PIGA: variants seen among roughly 807,000 people sequenced by gnomAD.
The protein encoded by PIGA is phosphatidylinositol glycan anchor biosynthesis class A.
Under a neutral mutation model 17.1 loss-of-function variants are expected in PIGA, and 3 were observed. The ratio of observed to expected loss-of-function variants is 0.18; its 90% CI spans 0.08 to 0.45. The LOEUF (loss-of-function observed/expected upper bound fraction) is 0.45. PIGA is among the 20% of genes least tolerant of loss of function. The pLI is 0.99. For synonymous variants in PIGA, 126 were observed against 135.1 expected, an observed-to-expected ratio of 0.93 and a Z score of 0.47; for missense variants, 231 against 374.1, an observed-to-expected ratio of 0.62 and a Z score of 3.16.
In PIGA at chrX:15,324,668, T is replaced by C. The variant is rs1234870253; in HGVS notation, c.1185A>G (p.Glu395=). ...CTTTTCTCAGCATGTGACATACCTT[T>C]TCAGTTCTTTCTGCAACATTCCTCC... ...YTWRNVAERT[E]KVYDRVSVEA... is the part of the protein sequence containing the mutation. The change falls in exon 5 of 6, where the codon GAA becomes GAG. Residue 395 remains glutamate (E), a synonymous_variant. Transcript: ENST00000333590. The C allele has an allele frequency of 1.7e-6, 2 of 1,185,959 alleles. No individual in the cohort carries two copies. The highest frequency in any genetic ancestry group is 2.3e-6 in the Non-Finnish European group (2 of 872,240).
At chrX:15,325,352 G>A (rs991954436) in intron 3 of PIGA, 200 bp from the exon 4 acceptor site, 1 of 294,855 alleles carries the variant, frequency 3.4e-6, no homozygotes, top group Non-Finnish European at 6.0e-6. Flanking sequence ...CTCATACAGC[G>A]AACATTATTT....
In PIGA at chrX:15,324,567, G is replaced by T. The variant is rs187525197; in HGVS notation, c.1188+98C>A. The T allele has an allele frequency of 1.1e-3, 683 of 628,477 alleles. 1 individual carries two copies. The highest frequency in any genetic ancestry group is 9.4e-4 in the Non-Finnish European group (372 of 394,491). The allele number at this position is 628,477 out of a possible 1,213,427, so 51.8% of individuals were successfully genotyped here. On this transcript the variant is annotated intron_variant, in intron 5 of 5. Transcript: ENST00000333590. ...AGAGATTTCATCAACTTAAGCAATA[G>T]AACAAAAATGGTAAACATCTATGTA... is the stretch of plus-strand genomic sequence containing the variant.
chrX:15,322,444 T>A (rs1017585023), intron 5 of PIGA, among the ~76,000 whole-genome samples: 4 of 112,100 alleles, frequency 3.6e-5, no homozygotes, highest in African/African-American at 1.3e-4. Flanking sequence ...TGAAATAACG[T>A]TTTTTGCTGA....
intron 1 of PIGA, among the ~76,000 whole-genome samples, chrX:15,334,418 G>A (rs1194381034): frequency 1.8e-5 from 2 of 110,269 alleles, no homozygotes; most frequent in Non-Finnish European, 3.8e-5. Flanking sequence ...TCGAACCCCT[G>A]ACCTCAGGTG....
intron 2 of PIGA, chrX:15,328,595 G>A (rs1249023527): frequency 8.9e-6 from 1 of 112,009 alleles, no homozygotes; most frequent in East Asian, 2.8e-4. Context: ...CTCACTTTTG[G>A]GCTACAGGCA....
chrX:15,324,702 A>G lies in PIGA; in HGVS notation c.1151T>C (p.Phe384Ser), dbSNP rs1921919168. 1 of 1,208,465 alleles carries G rather than the reference A, an allele frequency of 8.3e-7. No individual in the cohort carries two copies. The highest frequency in any genetic ancestry group is 1.7e-5 in the African/African-American group (1 of 57,801). The change falls in exon 5 of 6, where the codon TTC becomes TCC. Residue 384 changes from phenylalanine to serine, a missense_variant. Coordinates refer to ENST00000333590, the MANE Select transcript of PIGA (RefSeq NM_002641.4). The stretch of plus-strand genomic sequence containing the variant: ...TTCTGCAACATTCCTCCAGGTGTAG[A>G]AAGTCTTTACTATGTTATGGATGTT... Reference protein sequence around the residue: ...PENIHNIVKTFYTWRNVAERT... With the variant: ...PENIHNIVKTSYTWRNVAERT...
rs765534842 is a variant in PIGA at position 15,325,003 on chromosome X, C to T, written c.981+17G>A. On this transcript the variant is annotated intron_variant, in intron 4 of 5. Coordinates refer to ENST00000333590, the MANE Select transcript of PIGA (RefSeq NM_002641.4). ...TACACAGAAATCCCAACCATGAATGCCCTCAAAGCTTTTTACCTGTAAACC... is the reference window on the plus strand; with the variant it reads ...TACACAGAAATCCCAACCATGAATGTCCTCAAAGCTTTTTACCTGTAAACC... 8.4e-7 allele frequency: 1 copy of T among 1,186,900 alleles called. No homozygotes were observed. The highest frequency in any genetic ancestry group is 1.1e-6 in the Non-Finnish European group (1 of 885,833).
In PIGA at chrX:15,320,468, T is replaced by C. The variant is rs1406134209; in HGVS notation, c.*1038A>G. Reference sequence around the variant, plus strand: ...TTCTGAAGTAAAGCCTTTTGCACACTGACAATACTTATCAGACATCAGCGA... The same window carrying C: ...TTCTGAAGTAAAGCCTTTTGCACACCGACAATACTTATCAGACATCAGCGA... On this transcript the variant is annotated 3_prime_UTR_variant, in exon 6 of 6. Transcript: ENST00000333590. 1 of 112,485 alleles carries C rather than the reference T, an allele frequency of 8.9e-6. No individual in the cohort carries two copies. Among genetic ancestry groups the C allele is most frequent in the Non-Finnish European group, 1.9e-5 (1 of 53,335 alleles). 9.3% of individuals were successfully genotyped at this position (112,485 alleles called of 1,213,427 possible).
chrX:15,321,788 C>A lies in PIGA; in HGVS notation c.1189-16G>T. 1 of 1,199,813 alleles carries A rather than the reference C, an allele frequency of 8.3e-7. No individual in the cohort carries two copies. Among genetic ancestry groups the A allele is most frequent in the Non-Finnish European group, 1.1e-6 (1 of 885,904 alleles). ...GGTCATATACCTGGAGGGAGAGAAG[C>A]CAAGTGTGAGCACTTTCACCCATCA... On this transcript the variant is annotated splice_polypyrimidine_tract_variant and intron_variant, in intron 5 of 5. Coordinates refer to ENST00000333590, the MANE Select transcript of PIGA (RefSeq NM_002641.4).
At position 15,320,078 on chromosome X, in the gene PIGA, T is replaced by C. The variant is rs1362650950; in HGVS notation, c.*1428A>G. The C allele has an allele frequency of 8.9e-6, 1 of 112,974 alleles. No homozygotes were observed. The highest frequency in any genetic ancestry group is 1.9e-5 in the Non-Finnish European group (1 of 53,399). The allele number at this position is 112,974 out of a possible 1,213,427, so 9.3% of individuals were successfully genotyped here. A position where few individuals can be genotyped will look rare whatever the true frequency, so the allele number is the denominator to read the frequency against. On this transcript the variant is annotated 3_prime_UTR_variant, in exon 6 of 6. Coordinates refer to ENST00000333590, the MANE Select transcript of PIGA (RefSeq NM_002641.4). Reference sequence around the variant, plus strand: ...TTCTAGATTTTAAAAATTGCACTCTTGCTTTTGCATTTTAGTACAAACAAA... The same window carrying C: ...TTCTAGATTTTAAAAATTGCACTCTCGCTTTTGCATTTTAGTACAAACAAA...
At position 15,331,864 on chromosome X, in the gene PIGA, C is replaced by G; in HGVS notation, c.67G>C (p.Gly23Arg). ...CGGGTTCTACATGTGTAAAGACTTC[C>G]AGGGCTAACCCGAGAGAGTGTAGCT... ...ASATLSRVSP[G>R]SLYTCRTRTH... Residue 23 changes from glycine to arginine, a missense_variant, in exon 2 of 6, where the codon GGA becomes CGA. Transcript: ENST00000333590. 8.3e-7 allele frequency: 1 copy of G among 1,211,263 alleles called. No homozygotes were observed. Among genetic ancestry groups the G allele is most frequent in the East Asian group, 3.0e-5 (1 of 33,839 alleles).
At position 15,331,645 on chromosome X, in the gene PIGA, C is replaced by G. The variant is rs146801580; in HGVS notation, c.286G>C (p.Val96Leu). 3.3e-6 allele frequency: 4 copies of G among 1,210,134 alleles called. No homozygotes were observed. The African/African-American group carries it at 5.2e-5, about 16-fold the overall frequency. Residue 96 changes from valine to leucine, a missense_variant, in exon 2 of 6, where the codon GTC (valine) becomes CTC (leucine). This residue lies in a region of PIGA where 29 missense variants were observed against 36.6 expected (regional missense o/e 0.79). Coordinates refer to ENST00000333590, the MANE Select transcript of PIGA (RefSeq NM_002641.4). ...GTGGCTGTAGACTGGTTGTACATGA[C>G]TTTCAGAGGCAAGTAATAGACTTTG... The part of the protein sequence containing the change: ...GLKVYYLPLK[V>L]MYNQSTATTL...
intron 2 of PIGA, 107 bp downstream of exon 2, chrX:15,331,109 A>C: frequency 5.6e-6 from 3 of 536,963 alleles, no homozygotes; most frequent in Non-Finnish European, 9.0e-6. Context: ...TAGCATTATA[A>C]AACCATAAAA....
chrX:15,325,514 C>T (rs1170828582), intron 3 of PIGA: 1 of 151,153 alleles, frequency 6.6e-6, no homozygotes, highest in Non-Finnish European at 1.3e-5. Context: ...ACGTACAAGC[C>T]TTGTGTTGTG....
Position 15,335,491 on chromosome X carries a change from G to A in PIGA, c.-63+10C>T. 1 of 984,520 alleles carries A rather than the reference G, an allele frequency of 1.0e-6. No individual in the cohort carries two copies. Among genetic ancestry groups the A allele is most frequent in the South Asian group, 3.7e-5 (1 of 27,232 alleles). 81.1% of individuals were successfully genotyped at this position (984,520 alleles called of 1,213,427 possible). ...GAGCGCTGGAGAGGGGCGGCGCGAC[G>A]CGCACTCACCGGTGAGTTCCATGGC... On this transcript the variant is annotated intron_variant, in intron 1 of 5. Coordinates refer to ENST00000333590, the MANE Select transcript of PIGA (RefSeq NM_002641.4).
intron 1 of PIGA, 107 bp from the exon 2 acceptor site, chrX:15,332,099 C>A: frequency 3.9e-6 from 2 of 506,731 alleles, no homozygotes; most frequent in Non-Finnish European, 5.8e-6. Flanking sequence ...GTTAGCTTTC[C>A]CCAGAATTAA....
At chrX:15,328,247 A>C (rs1304017073) in intron 2 of PIGA, 1 of 112,090 alleles carries the variant, frequency 8.9e-6, no homozygotes, top group Non-Finnish European at 1.9e-5. Context: ...TTTCATGTAG[A>C]TAACATCTAC....
chrX:15,335,338 C>T (rs1246856245), intron 1 of PIGA, 163 bp downstream of exon 1: 4 of 424,074 alleles, frequency 9.4e-6, no homozygotes, highest in Non-Finnish European at 1.1e-5. Flanking sequence ...CTAAACGCAC[C>T]CTCAGCCCCA....
chrX:15,334,110 C>G (rs951952739), intron 1 of PIGA, among the ~76,000 whole-genome samples: 1 of 110,619 alleles, frequency 9.0e-6, no homozygotes, highest in African/African-American at 3.3e-5. Flanking sequence ...CCGGTTTCAC[C>G]TGCAAACTCA....
Sources: gnomAD v4.1 joint callset for allele counts (sites outside exome capture counted in the v4.1 genomes callset) on GRCh38, gnomAD v4.1.1 for gene constraint, gnomAD v4.1.1 regional missense constraint, MANE v1.5 for transcripts, NCBI Gene and HGNC (gene_info 2026-07-23, HGNC 2026-07-21) for gene names.